NKAIN3: variants seen among roughly 807,000 people sequenced by gnomAD.
The protein encoded by NKAIN3 is sodium/potassium transporting ATPase interacting 3.
A neutral mutation model predicts 30.2 loss-of-function variants in NKAIN3; 25 were observed. The observed-to-expected ratio is 0.83, with a 90% CI of 0.60 to 1.16. The LOEUF is 1.16. NKAIN3 is among the 50% of genes most tolerant of loss of function. NKAIN3 has a pLI of 0.00. For synonymous variants in NKAIN3, 91 were observed against 89.6 expected, an observed-to-expected ratio of 1.02 and a Z score of -0.09; for missense variants, 225 against 254.1, an observed-to-expected ratio of 0.89 and a Z score of 0.78.
At chr8:62,729,078 CAA>C (rs1491325347) in intron 3 of NKAIN3, among the ~76,000 whole-genome samples, 1 of 114,950 alleles carries the variant, frequency 8.7e-6, no homozygotes, top group Admixed American at 9.7e-5. Context: ...AAGACATTGG[CAA>C]GAGAATAAGA....
At chr8:62,336,238 G>T (rs542921463) in intron 1 of NKAIN3, among the ~76,000 whole-genome samples, 4 of 152,000 alleles carry the variant, frequency 2.6e-5, no homozygotes, top group Non-Finnish European at 5.9e-5. Context: ...CTTAGAAACA[G>T]AAAATTTCTT....
intron 3 of NKAIN3, among the ~76,000 whole-genome samples, chr8:62,639,378 C>A (rs1812232795): frequency 6.6e-6 from 1 of 152,006 alleles, no homozygotes; most frequent in Non-Finnish European, 1.5e-5. Context: ...AAATGAAACC[C>A]ATGTGGCTAG....
At chr8:62,429,998 A>T (rs903596126) in intron 1 of NKAIN3, among the ~76,000 whole-genome samples, 3 of 151,770 alleles carry the variant, frequency 2.0e-5, no homozygotes, top group Admixed American at 6.6e-5. Context: ...TTAACTTTCC[A>T]TTCTCCCAAC....
intron 6 of NKAIN3, among the ~76,000 whole-genome samples, chr8:62,957,857 G>A (rs1823466153): frequency 6.6e-6 from 1 of 152,098 alleles, no homozygotes; most frequent in African/African-American, 2.4e-5. Flanking sequence ...GTAAACGATA[G>A]GCTTCGAGTG....
intron 5 of NKAIN3, among the ~76,000 whole-genome samples, chr8:62,991,554 A>G (rs1156375750): frequency 2.0e-5 from 3 of 152,228 alleles, no homozygotes; most frequent in Non-Finnish European, 4.4e-5. Context: ...ATTAGTCAAT[A>G]TGTCGGAAAA....
intron 2 of NKAIN3, 141 bp downstream of exon 2, chr8:62,579,817 A>G (rs1352875238): frequency 2.2e-6 from 1 of 450,148 alleles, no homozygotes; most frequent in East Asian, 3.5e-5. Flanking sequence ...TTTTGTTAAG[A>G]AGTGATTATC....
intron 4 of NKAIN3, among the ~76,000 whole-genome samples, chr8:62,784,816 C>T (rs1351914075): frequency 6.6e-6 from 1 of 152,084 alleles, no homozygotes; most frequent in Non-Finnish European, 1.5e-5. Flanking sequence ...AAATAAAAAA[C>T]ATAGATATAT....
At chr8:62,616,267 C>T (rs978305732) in intron 3 of NKAIN3, among the ~76,000 whole-genome samples, 10 of 152,098 alleles carry the variant, frequency 6.6e-5, no homozygotes, top group African/African-American at 2.4e-4. Flanking sequence ...TTCCACAAGA[C>T]TACGCCTACA....
chr8:62,416,047 C>T (rs1267690276), intron 1 of NKAIN3, among the ~76,000 whole-genome samples: 24 of 152,032 alleles, frequency 1.6e-4, no homozygotes, highest in East Asian at 9.7e-4. Context: ...TGAGCCACCA[C>T]GCCTGGCCTA....
At chr8:62,539,642 T>G (rs757486023) in intron 1 of NKAIN3, among the ~76,000 whole-genome samples, 1 of 152,150 alleles carries the variant, frequency 6.6e-6, no homozygotes, top group South Asian at 2.1e-4. Context: ...CAGGCTGGAG[T>G]GCAGTGGTGC....
intron 1 of NKAIN3, among the ~76,000 whole-genome samples, chr8:62,305,696 C>A (rs1036859229): frequency 6.6e-6 from 1 of 150,396 alleles, no homozygotes; most frequent in Non-Finnish European, 1.5e-5. Context: ...TCCCTCTGGG[C>A]CACAAGCACT....
intron 4 of NKAIN3, among the ~76,000 whole-genome samples, chr8:62,818,657 T>A (rs1433090757): frequency 1.3e-5 from 2 of 152,144 alleles, no homozygotes; most frequent in East Asian, 3.9e-4. Flanking sequence ...AGAATTTCTT[T>A]ATCCAAGGTT....
chr8:62,547,255 G>C (rs962621526), intron 1 of NKAIN3, among the ~76,000 whole-genome samples: 1 of 152,174 alleles, frequency 6.6e-6, no homozygotes, highest in Non-Finnish European at 1.5e-5. Context: ...TCCTTAGAGA[G>C]ATCTCCACTG....
intron 3 of NKAIN3, among the ~76,000 whole-genome samples, chr8:62,733,865 T>C (rs1448027580): frequency 1.3e-5 from 2 of 152,242 alleles, no homozygotes; most frequent in African/African-American, 4.8e-5. Context: ...TCTAATCTGC[T>C]TTTTAACCTA....
chr8:62,934,835 GA>G (rs1822731879), intron 5 of NKAIN3, among the ~76,000 whole-genome samples: 1 of 151,960 alleles, frequency 6.6e-6, no homozygotes, highest in Non-Finnish European at 1.5e-5. Flanking sequence ...TGCTACTGGG[GA>G]AAAAACGGGG....
chr8:62,323,512 G>A (rs1214182233), intron 1 of NKAIN3, among the ~76,000 whole-genome samples: 2 of 152,198 alleles, frequency 1.3e-5, no homozygotes, highest in Admixed American at 6.5e-5. Context: ...ACAGGCAGTT[G>A]CTGAACAGGT....
chr8:62,341,366 C>T (rs568698273), intron 1 of NKAIN3, among the ~76,000 whole-genome samples: 9 of 152,110 alleles, frequency 5.9e-5, no homozygotes, highest in Admixed American at 2.0e-4. Flanking sequence ...GACATGTTAA[C>T]GATAACAGTT....
chr8:62,751,847 T>TGTGTGTG (rs1326013256), intron 4 of NKAIN3, among the ~76,000 whole-genome samples: 1 of 151,890 alleles, frequency 6.6e-6, no homozygotes, highest in Non-Finnish European at 1.5e-5. Flanking sequence ...TGTGTATGTG[T>TGTGTGTG]TACTGAGAGC....
chr8:62,311,790 A>G (rs1814441908), intron 1 of NKAIN3, among the ~76,000 whole-genome samples: 1 of 150,278 alleles, frequency 6.7e-6, no homozygotes, highest in South Asian at 2.1e-4. Flanking sequence ...TTTCCATAAA[A>G]TCCATCTGCC....
Sources: allele counts gnomAD v4.1 joint callset (sites outside exome capture counted in the v4.1 genomes callset), GRCh38; gene constraint gnomAD v4.1.1; transcripts MANE v1.5; gene names NCBI Gene and HGNC (gene_info 2026-07-23, HGNC 2026-07-21).